The following LRMDA variants were observed in gnomAD, a reference collection of about 807,000 sequenced individuals.
LRMDA encodes leucine rich melanocyte differentiation associated.
In LRMDA, 18 loss-of-function variants were observed where a neutral mutation model predicts 29.8. That is an observed-to-expected ratio of 0.60 (90% CI 0.42 to 0.90). The LOEUF is 0.90. LRMDA is among the 40% of genes least tolerant of loss of function. The probability of loss-of-function intolerance (pLI) is 0.00; values close to 1 mark genes in which losing one functional copy is unlikely to be tolerated. For missense variants in LRMDA, 273 were observed against 273.9 expected (o/e 1.00, Z 0.02); for synonymous variants, 125 against 109.4 (o/e 1.14, Z -0.89).
At chr10:75,823,685 AGTG>A (rs1176137197) in intron 2 of LRMDA, among the ~76,000 whole-genome samples, 1 of 144,066 alleles carries the variant, frequency 6.9e-6, no homozygotes, top group Non-Finnish European at 1.5e-5. Flanking sequence ...ATTAAAATGT[AGTG>A]TGTGTGTGTG....
intron 6 of LRMDA, among the ~76,000 whole-genome samples, chr10:76,544,348 A>G (rs1843394130): frequency 6.6e-6 from 1 of 152,160 alleles, no homozygotes; most frequent in African/African-American, 2.4e-5. Context: ...AAGCCAGCCA[A>G]ATAAAAGGGG....
intron 2 of LRMDA, among the ~76,000 whole-genome samples, chr10:75,964,077 C>A (rs1384615853): frequency 6.6e-6 from 1 of 151,950 alleles, no homozygotes; most frequent in Admixed American, 6.6e-5. Context: ...TTTTCACGTT[C>A]ATATTATGAA....
At chr10:76,183,360 G>T (rs796194447) in intron 5 of LRMDA, among the ~76,000 whole-genome samples, 5 of 152,314 alleles carry the variant, frequency 3.3e-5, no homozygotes, top group African/African-American at 1.2e-4. Context: ...TGAGATATTT[G>T]CAATGCAGTT....
rs187987156 is a variant in LRMDA at position 76,489,794 on chromosome 10, G to A, written c.602-67415G>A. On this transcript the variant is annotated intron_variant, in intron 6 of 6. Coordinates refer to ENST00000611255, the MANE Select transcript of LRMDA (RefSeq NM_001305581.2). ...ATCTCACAAATCATCACTAAAGAAT[G>A]TACTCATGTAAACAAACACTATCTG... 3.0e-4 allele frequency among the ~76,000 whole-genome samples: 45 copies of A among 151,796 alleles called. No homozygotes were observed. The East Asian group carries it at 4.7e-3, about 16-fold the overall frequency.
At chr10:76,240,219 CACAT>C (rs1199909822) in intron 5 of LRMDA, among the ~76,000 whole-genome samples, 2 of 150,948 alleles carry the variant, frequency 1.3e-5, no homozygotes, top group Admixed American at 6.6e-5. Flanking sequence ...ACCACACACA[CACAT>C]ACGCACACCA....
intron 5 of LRMDA, among the ~76,000 whole-genome samples, chr10:76,262,281 G>A (rs988275737): frequency 2.6e-5 from 4 of 152,036 alleles, no homozygotes; most frequent in South Asian, 4.2e-4. Flanking sequence ...AGGAATCACC[G>A]GGGTTCTCAG....
chr10:76,143,768 A>G (rs1850254541), intron 5 of LRMDA, among the ~76,000 whole-genome samples: 3 of 152,202 alleles, frequency 2.0e-5, no homozygotes, highest in South Asian at 2.1e-4. Flanking sequence ...GTCCTTGCCC[A>G]TGCCTATGTC....
At chr10:76,030,924 G>T (rs1384921310) in intron 2 of LRMDA, among the ~76,000 whole-genome samples, 1 of 152,168 alleles carries the variant, frequency 6.6e-6, no homozygotes, top group Non-Finnish European at 1.5e-5. Flanking sequence ...TGTCCTTGTG[G>T]CTTTTGCCAT....
At chr10:75,790,106 A>G (rs1347009586) in intron 2 of LRMDA, among the ~76,000 whole-genome samples, 2 of 152,212 alleles carry the variant, frequency 1.3e-5, no homozygotes, top group African/African-American at 2.4e-5. Context: ...ACACTAGTCT[A>G]GAACAAGATT....
intron 6 of LRMDA, among the ~76,000 whole-genome samples, chr10:76,549,274 C>G (rs921548445): frequency 1.5e-4 from 23 of 152,158 alleles, no homozygotes; most frequent in Admixed American, 5.2e-4. Flanking sequence ...GCCTGCTGAT[C>G]ACCTTCACGA....
At chr10:76,051,353 A>G (rs933987064) in intron 4 of LRMDA, among the ~76,000 whole-genome samples, 2 of 152,230 alleles carry the variant, frequency 1.3e-5, no homozygotes, top group Non-Finnish European at 2.9e-5. Context: ...CTGTGGGTGT[A>G]TTGTTTGCAC....
chr10:76,390,487 T>C (rs1161342766), intron 6 of LRMDA, among the ~76,000 whole-genome samples: 1 of 151,434 alleles, frequency 6.6e-6, no homozygotes, highest in African/African-American at 2.4e-5. Flanking sequence ...AAAGATTGTT[T>C]TGCAAATTAA....
chr10:76,311,349 T>C (rs1402310424), intron 5 of LRMDA, among the ~76,000 whole-genome samples: 6 of 152,030 alleles, frequency 3.9e-5, no homozygotes, highest in Non-Finnish European at 7.4e-5. Context: ...TTTAATTTTT[T>C]CTAATATGAA....
chr10:76,300,806 A>T (rs539177781), intron 5 of LRMDA, among the ~76,000 whole-genome samples: 2 of 152,214 alleles, frequency 1.3e-5, no homozygotes, highest in African/African-American at 4.8e-5. Flanking sequence ...GGAATATAGA[A>T]TCAGAATGGA....
At chr10:76,103,135 A>T (rs945149185) in intron 5 of LRMDA, among the ~76,000 whole-genome samples, 7 of 152,210 alleles carry the variant, frequency 4.6e-5, no homozygotes, top group African/African-American at 1.4e-4. Context: ...TATTGAAGTA[A>T]GACAGGCAAG....
At chr10:76,553,998 C>T (rs1351596443) in intron 6 of LRMDA, among the ~76,000 whole-genome samples, 1 of 152,052 alleles carries the variant, frequency 6.6e-6, no homozygotes, top group East Asian at 1.9e-4. Context: ...CCTCAAGTAG[C>T]CAAGATATCA....
chr10:76,331,739 A>C (rs1382943648), intron 6 of LRMDA, among the ~76,000 whole-genome samples: 1 of 152,222 alleles, frequency 6.6e-6, no homozygotes, highest in Admixed American at 6.5e-5. Context: ...CTAATTATGT[A>C]AAATGATTTC....
At chr10:75,562,397 C>A (rs1324454612) in intron 2 of LRMDA, among the ~76,000 whole-genome samples, 2 of 152,024 alleles carry the variant, frequency 1.3e-5, no homozygotes, top group Admixed American at 1.3e-4. Flanking sequence ...GATCTTCCTC[C>A]ATCCTTTTAT....
intron 6 of LRMDA, among the ~76,000 whole-genome samples, chr10:76,552,150 C>G (rs192328797): frequency 1.1e-3 from 165 of 152,338 alleles, no homozygotes; most frequent in African/African-American, 3.8e-3. Flanking sequence ...TTGGTCCAAC[C>G]TGCACTCCAA....
Sources: gnomAD v4.1 joint callset for allele counts (sites outside exome capture counted in the v4.1 genomes callset) on GRCh38, gnomAD v4.1.1 for gene constraint, MANE v1.5 for transcripts, NCBI Gene and HGNC (gene_info 2026-07-23, HGNC 2026-07-21) for gene names.